The following NLRP13 variants were observed in gnomAD, a reference collection of about 807,000 sequenced individuals.
NLRP13 encodes the protein NLR family pyrin domain containing 13, also known as NACHT, LRR and PYD domains-containing protein 13.
Under a neutral mutation model 94.4 loss-of-function variants are expected in NLRP13, and 82 were observed. That is an observed-to-expected ratio of 0.87 (90% CI 0.73 to 1.04). The LOEUF is 1.04. Among genes scored for constraint, NLRP13 ranks in the 50% least tolerant of loss-of-function variants. The probability of loss-of-function intolerance (pLI) is 0.00; values close to 1 mark genes in which losing one functional copy is unlikely to be tolerated. For synonymous variants in NLRP13, 553 were observed against 464.7 expected (o/e 1.19, Z -2.45); for missense variants, 1,426 against 1,230.8 (o/e 1.16, Z -2.37).
At chr19:55,899,037 C>G (rs1986095206) in intron 9 of NLRP13, 100 bp from the exon 10 acceptor site, 1 of 1,285,684 alleles carries the variant, frequency 7.8e-7, no homozygotes. Flanking sequence ...AGGAGACACC[C>G]TGAAGCCAGA....
intron 10 of NLRP13, among the ~76,000 whole-genome samples, chr19:55,896,900 T>C (rs1986032595): frequency 6.7e-6 from 1 of 148,750 alleles, no homozygotes; most frequent in Non-Finnish European, 1.5e-5. Flanking sequence ...TACTGACATA[T>C]AACTCATCTA....
chr19:55,912,980 A>C lies in NLRP13; in HGVS notation c.837T>G (p.Thr279=), dbSNP rs778215504. 1.2e-6 allele frequency: 2 copies of C among 1,614,090 alleles called. No individual in the cohort carries two copies. The highest frequency in any genetic ancestry group is 1.7e-6 in the Non-Finnish European group (2 of 1,179,920). Residue 279 remains threonine, a synonymous_variant, in exon 5 of 11, where the codon ACT becomes ACG. Transcript: ENST00000342929. ...SCHKIRYMKE[T]TFAELISLDW... is the part of the protein sequence containing the mutation. The stretch of plus-strand genomic sequence containing the variant: ...CCAAAGAAATCAATTCAGCAAAGGT[A>C]GTTTCCTTCATGTACCTTATTTTAT...
At chr19:55,909,565 TAG>T (rs1986447422) in intron 6 of NLRP13, among the ~76,000 whole-genome samples, 1 of 151,460 alleles carries the variant, frequency 6.6e-6, no homozygotes, top group Non-Finnish European at 1.5e-5. Flanking sequence ...TCCTAATTTA[TAG>T]CTTTGCCAAT....
In NLRP13 at chr19:55,924,669, CAT is replaced by C. The variant is rs1986924724; in HGVS notation, c.389-13_389-12del. On this transcript the variant is annotated splice_polypyrimidine_tract_variant and intron_variant, in intron 2 of 10. Transcript: ENST00000342929. ...GGGTCTGCATATTCCCTGAAATAAA[CAT>C]TGACGATGAGATATGAAAATACCCC... The C allele has an allele frequency of 1.2e-6, 2 of 1,610,574 alleles. No individual in the cohort carries two copies. The highest frequency in any genetic ancestry group is 1.7e-6 in the Non-Finnish European group (2 of 1,176,940).
chr19:55,905,217 A>C, intron 7 of NLRP13, 105 bp from the exon 8 acceptor site: 1 of 1,199,546 alleles, frequency 8.3e-7, no homozygotes, highest in Admixed American at 2.4e-5. Context: ...TTATGGGAAG[A>C]TTAAATTGGA....
At chr19:55,920,206 G>T (rs1257382261) in intron 4 of NLRP13, among the ~76,000 whole-genome samples, 1 of 152,152 alleles carries the variant, frequency 6.6e-6, no homozygotes, top group Non-Finnish European at 1.5e-5. Context: ...TTAAATGTAA[G>T]ACCTGAAACT....
downstream of NLRP13, among the ~76,000 whole-genome samples, chr19:55,894,833 G>A (rs541078691): frequency 5.9e-5 from 9 of 152,220 alleles, no homozygotes; most frequent in Middle Eastern, 3.4e-3. Context: ...GGAGTGACAC[G>A]TACAGTAGGT....
chr19:55,919,024 T>C (rs1244429922), intron 4 of NLRP13, among the ~76,000 whole-genome samples: 3 of 152,040 alleles, frequency 2.0e-5, no homozygotes, highest in African/African-American at 7.2e-5. Flanking sequence ...TAATACACCA[T>C]GACCAAGTGG....
Position 55,912,948 on chromosome 19 carries a change from G to A in NLRP13, c.869C>T (p.Pro290Leu), listed in dbSNP as rs1200600832. 1.9e-6 allele frequency: 3 copies of A among 1,613,906 alleles called. No homozygotes were observed. The highest frequency in any genetic ancestry group is 2.5e-6 in the Non-Finnish European group (3 of 1,179,860). ...TFAELISLDW[P>L]DFDAPIEEFM... ...CTCTTCAATGGGGGCATCAAAATCGGGCCAATCCAAAGAAATCAATTCAGC... is the reference window on the plus strand; with the variant it reads ...CTCTTCAATGGGGGCATCAAAATCGAGCCAATCCAAAGAAATCAATTCAGC... The change falls in exon 5 of 11, where the codon CCC becomes CTC. Residue 290 changes from proline (P) to leucine (L), a missense_variant. Physicochemically the swap from Pro to Leu is moderately conservative, Grantham distance 98. Coordinates refer to ENST00000342929, the MANE Select transcript of NLRP13 (RefSeq NM_176810.2).
chr19:55,895,786 G>A (rs776082459), downstream of NLRP13, among the ~76,000 whole-genome samples: 2 of 152,224 alleles, frequency 1.3e-5, no homozygotes, highest in Non-Finnish European at 2.9e-5. Flanking sequence ...TACACAGCAG[G>A]TGCACAGCAC....
At chr19:55,929,719 C>T (rs979893095) in intron 1 of NLRP13, among the ~76,000 whole-genome samples, 3 of 152,014 alleles carry the variant, frequency 2.0e-5, no homozygotes, top group Admixed American at 1.3e-4. Context: ...CATGTGTCTA[C>T]CTATGTAACA....
chr19:55,893,560 G>A (rs1985914933), downstream of NLRP13, among the ~76,000 whole-genome samples: 1 of 152,102 alleles, frequency 6.6e-6, no homozygotes, highest in South Asian at 2.1e-4. Flanking sequence ...AGATGTCAGG[G>A]AGAAGATTTG....
At chr19:55,915,635 C>T (rs7249643) in intron 4 of NLRP13, among the ~76,000 whole-genome samples, 28,076 of 151,932 alleles carry the variant, frequency 0.18, 2,842 homozygotes, top group African/African-American at 0.26. Context: ...ACAATTCAAA[C>T]AGAGTATCAG....
At chr19:55,906,300 C>G (rs1003844810) in intron 7 of NLRP13, among the ~76,000 whole-genome samples, 2 of 133,468 alleles carry the variant, frequency 1.5e-5, no homozygotes, top group African/African-American at 5.8e-5. Flanking sequence ...ATCGTGCCAC[C>G]ATACTCCAGC....
intron 1 of NLRP13, among the ~76,000 whole-genome samples, chr19:55,927,766 C>A (rs1248647269): frequency 1.3e-5 from 2 of 152,184 alleles, no homozygotes; most frequent in Non-Finnish European, 2.9e-5. Context: ...GAGGTTGGAA[C>A]AGTGACCCCA....
At position 55,911,811 on chromosome 19, in the gene NLRP13, T is replaced by G; in HGVS notation, c.2006A>C (p.Glu669Ala). The G allele has an allele frequency of 6.2e-7, 1 of 1,614,128 alleles. No homozygotes were observed. The highest frequency in any genetic ancestry group is 8.5e-7 in the Non-Finnish European group (1 of 1,179,934). ...FEVDLNILED[E>A]ELQASSFCLK... is the part of the protein sequence containing the mutation. The stretch of plus-strand genomic sequence containing the variant: ...GCAAAATGAAGAAGCTTGGAGTTCT[T>G]CGTCCTCCAAAATATTAAGGTCAAC... Residue 669 changes from glutamate (E) to alanine (A), a missense_variant, in exon 5 of 11, where the codon GAA (glutamate) becomes GCA (alanine). Glu to Ala is a moderately radical substitution (Grantham distance 107). Transcript: ENST00000342929.
intron 4 of NLRP13, among the ~76,000 whole-genome samples, chr19:55,922,010 G>A (rs1986840750): frequency 6.6e-6 from 1 of 152,182 alleles, no homozygotes; most frequent in South Asian, 2.1e-4. Flanking sequence ...GTTCCACATG[G>A]CTGGGGAGGC....
chr19:55,910,791 G>A, intron 5 of NLRP13, 58 bp from the exon 6 acceptor site: 1 of 1,368,962 alleles, frequency 7.3e-7, no homozygotes, highest in Non-Finnish European at 1.0e-6. Context: ...GCAATACCCA[G>A]AATACAACCT....
intron 3 of NLRP13, 123 bp downstream of exon 3, chr19:55,924,463 GGAAA>G: frequency 1.5e-6 from 1 of 687,904 alleles, no homozygotes; most frequent in South Asian, 1.8e-5. Flanking sequence ...AGAACTAGAT[GGAAA>G]GAGTTTTTAA....
Sources: allele counts gnomAD v4.1 joint callset (sites outside exome capture counted in the v4.1 genomes callset), GRCh38; gene constraint gnomAD v4.1.1; transcripts MANE v1.5; gene names NCBI Gene and HGNC (gene_info 2026-07-23, HGNC 2026-07-21).